Variants in TP53BP1 observed in about 807,000 individuals in gnomAD.
TP53BP1 encodes TP53-binding protein 1.
Under a neutral mutation model 200.8 loss-of-function variants are expected in TP53BP1, and 61 were observed. The observed-to-expected ratio is 0.30, with a 90% CI of 0.25 to 0.38. The LOEUF (loss-of-function observed/expected upper bound fraction) is 0.38, where lower values mean the gene tolerates loss of function less well. TP53BP1 is among the 10% of genes least tolerant of loss of function. TP53BP1 has a pLI of 1.00. For synonymous variants in TP53BP1, 822 were observed against 844.3 expected (o/e 0.97, Z 0.46); for missense variants, 2,144 against 2,371.9 (o/e 0.90, Z 2.00).
At position 43,474,676 on chromosome 15, in the gene TP53BP1, G is replaced by A; in HGVS notation, c.1177C>T (p.Gln393Ter). ...PSSPTEQEGR[Q>*]DKPMDTSVLS... is the part of the protein sequence containing the mutation. ...CAGACAGATCAAGAGAGCTCACCTT[G>A]TCTCCCTTCTTGCTCTGTGGGACTG... Residue 393 changes from glutamine (Q) to a stop codon, truncating the protein, a stop_gained, in exon 10 of 28, where the codon CAA (glutamine) becomes TAA (stop). Transcript: ENST00000382044. LOFTEE classifies it high-confidence loss of function. 6.2e-7 allele frequency: 1 copy of A among 1,605,850 alleles called. No homozygotes were observed. Among genetic ancestry groups the A allele is most frequent in the Non-Finnish European group, 8.5e-7 (1 of 1,172,734 alleles).
intron 4 of TP53BP1, among the ~76,000 whole-genome samples, chr15:43,489,025 G>A (rs1383405462): frequency 6.6e-6 from 1 of 152,208 alleles, no homozygotes; most frequent in Non-Finnish European, 1.5e-5. Flanking sequence ...ACATAGAAAT[G>A]TGCAGCTCTT....
At position 43,479,489 on chromosome 15, in the gene TP53BP1, G is replaced by C. The variant is rs1467623356; in HGVS notation, c.696C>G (p.Pro232=). ...KHEEQSNEDI[P]IAEQSSKDIP... ...TGTCCTTGCTGGACTGTTCTGCTAT[G>C]GGGATATCTTCGTTGGACTGTTCTT... The change falls in exon 7 of 28, where the codon CCC becomes CCG. Residue 232 remains proline, a synonymous_variant. Transcript: ENST00000382044. 2 of 1,613,522 alleles carry C rather than the reference G, an allele frequency of 1.2e-6. No homozygotes were observed. Among genetic ancestry groups the C allele is most frequent in the South Asian group, 2.2e-5 (2 of 90,988 alleles).
rs74610717 is a variant in TP53BP1, at chr15:43,490,979, TTTAGGG to T, written c.371+684_371+689del. ...AAGACATGGTAACAATTGAATCTTG[TTTAGGG>T]TAAGAATTAAACATTCTAGATCTAA... On this transcript the variant is annotated intron_variant, in intron 4 of 27. Coordinates refer to ENST00000382044, the MANE Select transcript of TP53BP1 (RefSeq NM_001141980.3). Among the ~76,000 whole-genome samples, 1,099 of 152,310 alleles carry T rather than the reference TTTAGGG, an allele frequency of 7.2e-3. 10 individuals are homozygous for T. The highest frequency in any genetic ancestry group is 0.012 in the Non-Finnish European group (785 of 68,024).
intron 12 of TP53BP1, among the ~76,000 whole-genome samples, chr15:43,454,273 C>T (rs2046241370): frequency 6.6e-6 from 1 of 152,134 alleles, no homozygotes; most frequent in Non-Finnish European, 1.5e-5. Flanking sequence ...GTAAACCTGC[C>T]AAATACTGTT....
At position 43,456,672 on chromosome 15, in the gene TP53BP1, C is replaced by A. The variant is rs765298582; in HGVS notation, c.1936G>T (p.Val646Leu). The A allele has an allele frequency of 8.1e-6, 13 of 1,614,176 alleles. No individual in the cohort carries two copies. The highest frequency in any genetic ancestry group is 4.4e-5 in the South Asian group (4 of 91,082). ...TCCATAGCTTCCTCCTGATCTAACACACTAGAAAGTGCCTCAGATCGAGTA... is the reference window on the plus strand; with the variant it reads ...TCCATAGCTTCCTCCTGATCTAACAAACTAGAAAGTGCCTCAGATCGAGTA... ...PATRSEALSS[V>L]LDQEEAMEIK... The change falls in exon 12 of 28, where the codon GTG (valine) becomes TTG (leucine). Residue 646 changes from valine (V) to leucine (L), a missense_variant. Physicochemically the swap from Val to Leu is conservative, Grantham distance 32. Coordinates refer to ENST00000382044, the MANE Select transcript of TP53BP1 (RefSeq NM_001141980.3).
At chr15:43,480,595 G>A (rs1416028647) in intron 5 of TP53BP1, among the ~76,000 whole-genome samples, 1 of 152,156 alleles carries the variant, frequency 6.6e-6, no homozygotes, top group Non-Finnish European at 1.5e-5. Flanking sequence ...TACACCCACA[G>A]TCACAGCAAT....
chr15:43,474,231 G>C (rs950926568), intron 10 of TP53BP1, among the ~76,000 whole-genome samples: 1 of 152,136 alleles, frequency 6.6e-6, no homozygotes, highest in Non-Finnish European at 1.5e-5. Flanking sequence ...CAAGCGCCGC[G>C]CACAGCCCCG....
chr15:43,422,748 C>T (rs1260893886), intron 18 of TP53BP1, among the ~76,000 whole-genome samples: 1 of 152,164 alleles, frequency 6.6e-6, no homozygotes, highest in Non-Finnish European at 1.5e-5. Context: ...AATCCCAGCA[C>T]TTTGGGAGGC....
chr15:43,492,796 T>TC (rs2079146160), intron 1 of TP53BP1, among the ~76,000 whole-genome samples: 2 of 70,350 alleles, frequency 2.8e-5, no homozygotes, highest in Admixed American at 3.8e-4. Flanking sequence ...CGCCTCTACC[T>TC]CCCCCCAAAA....
chr15:43,462,586 T>TA (rs1555406025), intron 11 of TP53BP1, among the ~76,000 whole-genome samples: 1 of 152,082 alleles, frequency 6.6e-6, no homozygotes, highest in Non-Finnish European at 1.5e-5. Flanking sequence ...AAAGCACTGG[T>TA]ATTACAGGTG....
chr15:43,417,835 T>C (rs550649171), intron 21 of TP53BP1, among the ~76,000 whole-genome samples: 1 of 152,086 alleles, frequency 6.6e-6, no homozygotes, highest in African/African-American at 2.4e-5. Flanking sequence ...CAAACAACAA[T>C]TACTCAGAGG....
chr15:43,490,329 C>T (rs1343721612), intron 4 of TP53BP1, among the ~76,000 whole-genome samples: 2 of 151,862 alleles, frequency 1.3e-5, no homozygotes, highest in Non-Finnish European at 2.9e-5. Context: ...CTCAGGTGAT[C>T]CGCCCACCTC....
At chr15:43,461,600 A>G (rs1374832843) in intron 11 of TP53BP1, among the ~76,000 whole-genome samples, 2 of 152,208 alleles carry the variant, frequency 1.3e-5, no homozygotes, top group Non-Finnish European at 2.9e-5. Context: ...GAAGAATACT[A>G]AAAGATCAAA....
intron 1 of TP53BP1, among the ~76,000 whole-genome samples, chr15:43,504,114 C>A (rs2079224080): frequency 6.6e-6 from 1 of 151,900 alleles, no homozygotes; most frequent in Admixed American, 6.6e-5. Context: ...GCAAGACCCC[C>A]CTCCTCATCT....
chr15:43,413,267 G>A lies in TP53BP1; in HGVS notation c.5157C>T (p.Ala1719=), dbSNP rs1268494524. 1 of 1,614,082 alleles carries A rather than the reference G, an allele frequency of 6.2e-7. No individual in the cohort carries two copies. Among genetic ancestry groups the A allele is most frequent in the Non-Finnish European group, 8.5e-7 (1 of 1,180,004 alleles). ...ESGDNTGEPS[A]LEEQRGPLPL... ...GCAAAGGCCCTCTCTGCTCTTCCAG[G>A]GCAGAGGGTTCACCGGTGTTGTCTC... Residue 1719 remains alanine, a synonymous_variant, in exon 24 of 28, where the codon GCC becomes GCT. Coordinates refer to ENST00000382044, the MANE Select transcript of TP53BP1 (RefSeq NM_001141980.3).
rs768950545 is a variant in TP53BP1, at chr15:43,447,388, G to C, written c.2814C>G (p.Pro938=). The part of the protein sequence containing the change: ...PPLIGHLKLE[P]KRHSTPIGIS... ...CACCAATAGGAGTACTGTGTCTCTT[G>C]GGCTCCAATTTTAGGTGCCCAATAA... The change falls in exon 13 of 28, where the codon CCC becomes CCG. Residue 938 remains proline (P), a synonymous_variant. Transcript: ENST00000382044. The C allele has an allele frequency of 2.0e-5, 32 of 1,602,092 alleles. No individual in the cohort carries two copies. The highest frequency in any genetic ancestry group is 2.3e-5 in the Non-Finnish European group (27 of 1,177,256).
intron 14 of TP53BP1, among the ~76,000 whole-genome samples, chr15:43,441,898 C>T (rs754456132): frequency 3.3e-5 from 5 of 151,936 alleles, no homozygotes; most frequent in East Asian, 1.9e-4. Context: ...TACAGGCATG[C>T]GCCACCACGT....
chr15:43,420,786 G>C lies in TP53BP1; in HGVS notation c.4251-51C>G, dbSNP rs747493870. The C allele has an allele frequency of 5.3e-6, 8 of 1,508,234 alleles. 1 individual carries two copies. Among genetic ancestry groups the C allele is most frequent in the Non-Finnish European group, 7.2e-6 (8 of 1,114,630 alleles). The allele number at this position is 1,508,234 out of a possible 1,614,324, so 93.4% of individuals were successfully genotyped here. ...AGCCGGTGAGAACAAGAACACAGAA[G>C]TATATATCTACCAATTTTTCCACTC... On this transcript the variant is annotated intron_variant, in intron 20 of 27. Coordinates refer to ENST00000382044, the MANE Select transcript of TP53BP1 (RefSeq NM_001141980.3).
chr15:43,438,313 A>G lies in TP53BP1; in HGVS notation c.3191+11T>C. On this transcript the variant is annotated intron_variant, in intron 16 of 27. Transcript: ENST00000382044. ...ATGGAGCCCAAAAGATTCTATAAAA[A>G]TAATGCTTACCTGATGGGTGTGGTG... The G allele has an allele frequency of 6.2e-7, 1 of 1,611,122 alleles. No homozygotes were observed. Among genetic ancestry groups the G allele is most frequent in the Non-Finnish European group, 8.5e-7 (1 of 1,178,760 alleles).
Sources: gnomAD v4.1 joint callset for allele counts (sites outside exome capture counted in the v4.1 genomes callset) on GRCh38, gnomAD v4.1.1 for gene constraint, MANE v1.5 for transcripts, NCBI Gene and HGNC (gene_info 2026-07-23, HGNC 2026-07-21) for gene names.